DISP1: variants seen among roughly 807,000 people sequenced by gnomAD.
The protein encoded by DISP1 is dispatched RND transporter family member 1.
Under a neutral mutation model 37.3 loss-of-function variants are expected in DISP1, and 30 were observed. The observed-to-expected ratio is 0.80, with a 90% CI of 0.60 to 1.09. The LOEUF (loss-of-function observed/expected upper bound fraction) is 1.09, where lower values mean the gene tolerates loss of function less well. DISP1 is among the 50% of genes least tolerant of loss of function. The probability of loss-of-function intolerance (pLI) is 0.00; values close to 1 mark genes in which losing one functional copy is unlikely to be tolerated. For synonymous variants in DISP1, 634 were observed against 690.2 expected (o/e 0.92, Z 1.28); for missense variants, 1,598 against 1,879.5 (o/e 0.85, Z 2.77).
intron 3 of DISP1, 29 bp downstream of exon 3, chr1:222,943,361 C>T (rs776021310): frequency 6.2e-7 from 1 of 1,614,070 alleles, no homozygotes; most frequent in Non-Finnish European, 8.5e-7. Flanking sequence ...TTGCTTTTAG[C>T]ATTCAACTAA....
At chr1:222,860,540 T>C (rs1165268709) in intron 1 of DISP1, among the ~76,000 whole-genome samples, 3 of 152,094 alleles carry the variant, frequency 2.0e-5, no homozygotes, top group Admixed American at 1.3e-4. Flanking sequence ...GCCTGAGATA[T>C]TAAATTTTAA....
chr1:222,921,251 G>A (rs1672794320), intron 1 of DISP1, among the ~76,000 whole-genome samples: 1 of 152,228 alleles, frequency 6.6e-6, no homozygotes, highest in Non-Finnish European at 1.5e-5. Flanking sequence ...GGAGGTTGCA[G>A]TGAGCTGTGA....
intron 1 of DISP1, among the ~76,000 whole-genome samples, chr1:222,919,365 G>C (rs1460859678): frequency 2.0e-5 from 3 of 150,772 alleles, no homozygotes; most frequent in Non-Finnish European, 4.4e-5. Context: ...TTGTGATTAG[G>C]CACATTGAAG....
chr1:222,870,656 ATTTG>A (rs1407151735), intron 1 of DISP1, among the ~76,000 whole-genome samples: 3 of 152,046 alleles, frequency 2.0e-5, no homozygotes, highest in African/African-American at 4.8e-5. Context: ...TTTCTTGTAA[ATTTG>A]TTTGAGTTCA....
chr1:222,829,553 C>T (rs1665239653), intron 1 of DISP1, among the ~76,000 whole-genome samples: 1 of 151,658 alleles, frequency 6.6e-6, no homozygotes, highest in South Asian at 2.1e-4. Flanking sequence ...TCTAGCGATT[C>T]TTCTGCCTCT....
intron 1 of DISP1, among the ~76,000 whole-genome samples, chr1:222,874,886 G>A (rs2125354061): frequency 6.6e-6 from 1 of 151,932 alleles, no homozygotes; most frequent in South Asian, 2.1e-4. Flanking sequence ...CCATCTTTGT[G>A]GTTTTATCTA....
At chr1:222,998,408 A>G (rs1187093798) in intron 8 of DISP1, among the ~76,000 whole-genome samples, 3 of 151,922 alleles carry the variant, frequency 2.0e-5, no homozygotes, top group African/African-American at 7.3e-5. Flanking sequence ...AGATGTTTCA[A>G]TTGTCACCTG....
chr1:222,879,996 CA>C (rs1027327089), intron 1 of DISP1, among the ~76,000 whole-genome samples: 22 of 143,686 alleles, frequency 1.5e-4, no homozygotes, highest in East Asian at 2.0e-4. Flanking sequence ...AACAAGTATG[CA>C]AAAAAAAAAG....
intron 3 of DISP1, among the ~76,000 whole-genome samples, chr1:222,981,019 A>C (rs573736383): frequency 7.2e-5 from 11 of 152,378 alleles, no homozygotes; most frequent in Non-Finnish European, 1.5e-4. Context: ...CAGAGGCTGC[A>C]GTGAGCCGAG....
chr1:222,991,068 G>T (rs1019317745), intron 5 of DISP1, among the ~76,000 whole-genome samples: 3 of 152,300 alleles, frequency 2.0e-5, no homozygotes, highest in South Asian at 2.1e-4. Context: ...TTCTCCCAAA[G>T]AAGTTAAAGG....
At chr1:222,983,002 T>C (rs974711857) in intron 3 of DISP1, 78 bp from the exon 4 acceptor site, 1 of 1,093,818 alleles carries the variant, frequency 9.1e-7, no homozygotes, top group Non-Finnish European at 1.4e-6. Context: ...TCAACACATA[T>C]GTAAAGCCTT....
intron 2 of DISP1, among the ~76,000 whole-genome samples, chr1:222,929,523 AACG>A (rs1389755497): frequency 6.6e-6 from 1 of 152,148 alleles, no homozygotes; most frequent in Non-Finnish European, 1.5e-5. Context: ...ATTCTTGTTG[AACG>A]AAGAAGAAGG....
At chr1:222,976,252 G>A (rs191439111) in intron 3 of DISP1, among the ~76,000 whole-genome samples, 37 of 152,134 alleles carry the variant, frequency 2.4e-4, no homozygotes, top group Middle Eastern at 3.4e-3. Context: ...AAGGTCATCC[G>A]TAGGTTTTAT....
intron 1 of DISP1, among the ~76,000 whole-genome samples, chr1:222,858,045 G>A (rs1668646618): frequency 6.6e-6 from 1 of 152,100 alleles, no homozygotes; most frequent in Non-Finnish European, 1.5e-5. Flanking sequence ...TATACTATAA[G>A]GCTATAGTAA....
At chr1:222,818,997 G>A (rs962648526) in intron 1 of DISP1, among the ~76,000 whole-genome samples, 1 of 152,150 alleles carries the variant, frequency 6.6e-6, no homozygotes, top group African/African-American at 2.4e-5. Context: ...ATCTCATGTC[G>A]AATTGTAATT....
chr1:223,004,295 G>A lies in DISP1; in HGVS notation c.2898G>A (p.Trp966Ter), dbSNP rs749035153. Residue 966 changes from tryptophan (W) to a stop codon, truncating the protein, a stop_gained, in exon 9 of 9, where the codon TGG (tryptophan) becomes TGA (stop). Coordinates refer to ENST00000675850, the MANE Select transcript of DISP1 (RefSeq NM_001377229.1). LOFTEE classifies it low-confidence loss of function (END_TRUNC). This position sits in a 1 kb window ranked among gnomAD's most constrained non-coding sequence, Gnocchi z 4.9. ...CCCCTGAAGGCCTCAGCAATGGTTGGTTTGTCAGCAATCTGGAGTTCTATG... is the reference window on the plus strand; with the variant it reads ...CCCCTGAAGGCCTCAGCAATGGTTGATTTGTCAGCAATCTGGAGTTCTATG... ...SSAPEGLSNGWFVSNLEFYDL... is the reference protein window; with the variant it reads ...SSAPEGLSNG The A allele has an allele frequency of 6.2e-7, 1 of 1,614,138 alleles. No homozygotes were observed.
intron 1 of DISP1, among the ~76,000 whole-genome samples, chr1:222,815,992 A>G (rs996243298): frequency 6.6e-6 from 1 of 151,960 alleles, no homozygotes; most frequent in Non-Finnish European, 1.5e-5. Flanking sequence ...TAACCAATAA[A>G]GGCAATTTTA....
intron 1 of DISP1, among the ~76,000 whole-genome samples, chr1:222,917,208 GTTTCT>G: frequency 6.6e-6 from 1 of 150,870 alleles, no homozygotes; most frequent in South Asian, 2.2e-4. Context: ...CTTTAAAACA[GTTTCT>G]TTTAAGTTTT....
intron 7 of DISP1, among the ~76,000 whole-genome samples, chr1:222,994,075 G>A (rs1678887378): frequency 6.6e-6 from 1 of 151,960 alleles, no homozygotes; most frequent in South Asian, 2.1e-4. Context: ...TATTGTTTCT[G>A]TTCTGAGGAT....
Sources: allele counts gnomAD v4.1 joint callset (sites outside exome capture counted in the v4.1 genomes callset), GRCh38; gene constraint gnomAD v4.1.1; non-coding constraint Gnocchi (gnomAD v3.1); transcripts MANE v1.5; gene names NCBI Gene and HGNC (gene_info 2026-07-23, HGNC 2026-07-21).